Variants in SRGAP2C observed in about 807,000 individuals in gnomAD.
SRGAP2C encodes the protein SLIT-ROBO Rho GTPase activating protein 2C, also known as SLIT-ROBO Rho GTPase-activating protein 2C.
In SRGAP2C, 15 loss-of-function variants were observed where a neutral mutation model predicts 25.1. The ratio of observed to expected loss-of-function variants is 0.60; its 90% CI spans 0.40 to 0.92. The LOEUF is 0.92. Ranked by LOEUF, SRGAP2C falls within the 40% of genes least tolerant of loss-of-function variation. The probability of loss-of-function intolerance (pLI) is 0.00; values close to 1 mark genes in which losing one functional copy is unlikely to be tolerated. For synonymous variants in SRGAP2C, 44 were observed against 96.6 expected (o/e 0.46, Z 3.19); for missense variants, 144 against 264.4 (o/e 0.54, Z 3.16).
intron 4 of SRGAP2C, among the ~76,000 whole-genome samples, chr1:121,339,626 T>C (rs1440336546): frequency 6.9e-6 from 1 of 144,486 alleles, no homozygotes. Flanking sequence ...CTCATTGTTG[T>C]CTTTTTGGAA....
intron 5 of SRGAP2C, among the ~76,000 whole-genome samples, chr1:121,370,487 G>C (rs1352628456): frequency 1.5e-5 from 2 of 131,140 alleles, no homozygotes; most frequent in East Asian, 2.3e-4. Flanking sequence ...TGTTGCCCAG[G>C]CTGGAGTGCA....
Position 121,392,156 on chromosome 1 carries a change from A to G in SRGAP2C, c.*4301A>G, listed in dbSNP as rs1660111204. The G allele has an allele frequency of 6.6e-6, 1 of 152,210 alleles. No homozygotes were observed. The highest frequency in any genetic ancestry group is 1.5e-5 in the Non-Finnish European group (1 of 68,008). 9.4% of individuals were successfully genotyped at this position (152,210 alleles called of 1,614,324 possible). A position where few individuals can be genotyped will look rare whatever the true frequency, so the allele number is the denominator to read the frequency against. On this transcript the variant is annotated 3_prime_UTR_variant, in exon 10 of 10. Coordinates refer to ENST00000367123, the MANE Select transcript of SRGAP2C (RefSeq NM_001329984.2). The stretch of plus-strand genomic sequence containing the variant: ...ACTGTCTCTGAGAAACAGAAAGAAT[A>G]AAAAATAAACAATGAGCAGAGACTA...
chr1:121,199,775 A>G (rs1654930418), intron 2 of SRGAP2C, among the ~76,000 whole-genome samples: 1 of 145,688 alleles, frequency 6.9e-6, no homozygotes, highest in South Asian at 2.2e-4. Flanking sequence ...AGCCTAGGTG[A>G]CAGAGCAAGA....
chr1:121,218,718 G>T (rs1461821786), intron 2 of SRGAP2C, among the ~76,000 whole-genome samples: 2 of 151,758 alleles, frequency 1.3e-5, no homozygotes, highest in Non-Finnish European at 2.9e-5. Context: ...CTGCACTCCA[G>T]TCTGGGCGAC....
intron 2 of SRGAP2C, among the ~76,000 whole-genome samples, chr1:121,191,552 A>T (rs1308907815): frequency 1.4e-5 from 2 of 146,914 alleles, no homozygotes; most frequent in Non-Finnish European, 3.0e-5. Context: ...GGTCAGATTC[A>T]TGGTCATAAA....
chr1:121,270,451 TA>T (rs587629264), intron 2 of SRGAP2C, among the ~76,000 whole-genome samples: 2,984 of 124,920 alleles, frequency 0.024, 142 homozygotes, highest in African/African-American at 0.087. Flanking sequence ...TTTCATGATA[TA>T]TTATGGGCCT....
At position 121,318,000 on chromosome 1, in the gene SRGAP2C, T is replaced by C. The variant is rs1339802001; in HGVS notation, c.261-6478T>C. Among the ~76,000 whole-genome samples, 6 of 75,482 alleles carry C rather than the reference T, an allele frequency of 7.9e-5. 2 individuals are homozygous for C. Among genetic ancestry groups the C allele is most frequent in the African/African-American group, 4.0e-4 (6 of 14,888 alleles). The allele number at this position is 75,482 out of a possible 152,430, so 49.5% of individuals were successfully genotyped here. A position where few individuals can be genotyped will look rare whatever the true frequency, so the allele number is the denominator to read the frequency against. On this transcript the variant is annotated intron_variant, in intron 3 of 9. Transcript: ENST00000367123. ...AACTCTCCTCCTCTGATCTCATTGCTGGCAACGCTGAAGCCAAAGCTGTGA... is the reference window on the plus strand; with the variant it reads ...AACTCTCCTCCTCTGATCTCATTGCCGGCAACGCTGAAGCCAAAGCTGTGA...
intron 2 of SRGAP2C, among the ~76,000 whole-genome samples, chr1:121,235,019 T>C (rs1311666115): frequency 4.7e-5 from 7 of 148,930 alleles, no homozygotes; most frequent in Non-Finnish European, 7.4e-5. Flanking sequence ...TTCTCTTTTC[T>C]TTCTTTCTTT....
chr1:121,351,803 A>ATG (rs1197008929), intron 4 of SRGAP2C, among the ~76,000 whole-genome samples: 1 of 84,742 alleles, frequency 1.2e-5, no homozygotes, highest in East Asian at 3.8e-4. Flanking sequence ...GTGCTGATAC[A>ATG]TGCTACAATA....
At chr1:121,315,625 C>T (rs1658080736) in intron 3 of SRGAP2C, among the ~76,000 whole-genome samples, 1 of 149,158 alleles carries the variant, frequency 6.7e-6, no homozygotes. Flanking sequence ...GCACACAAGC[C>T]AATGGACATA....
intron 4 of SRGAP2C, chr1:121,360,896 G>A (rs2101645180): frequency 1.3e-5 from 2 of 150,660 alleles, no homozygotes; most frequent in South Asian, 4.3e-4. Flanking sequence ...CTTTAGGGTG[G>A]GGAGGGGATA....
intron 2 of SRGAP2C, among the ~76,000 whole-genome samples, chr1:121,258,341 C>T (rs1366559277): frequency 9.9e-5 from 15 of 151,294 alleles, no homozygotes; most frequent in African/African-American, 2.2e-4. Context: ...AAGCAAGCTG[C>T]GGATTCTGAA....
chr1:121,347,966 TG>T (rs1179395096), intron 4 of SRGAP2C, among the ~76,000 whole-genome samples: 2 of 139,854 alleles, frequency 1.4e-5, no homozygotes, highest in African/African-American at 5.4e-5. Context: ...TCTTTGATCA[TG>T]GTCCTTGTGT....
intron 7 of SRGAP2C, among the ~76,000 whole-genome samples, chr1:121,375,224 C>G (rs587728755): frequency 1.5e-4 from 22 of 142,608 alleles, no homozygotes; most frequent in African/African-American, 5.5e-4. Context: ...AGTCAGTTAA[C>G]AAATGACAGA....
At chr1:121,237,647 C>A (rs1199515502) in intron 2 of SRGAP2C, among the ~76,000 whole-genome samples, 1 of 152,090 alleles carries the variant, frequency 6.6e-6, no homozygotes, top group Non-Finnish European at 1.5e-5. Context: ...GACTCTGGAA[C>A]CCATTACCCC....
intron 3 of SRGAP2C, among the ~76,000 whole-genome samples, chr1:121,308,886 C>A (rs1300345797): frequency 1.5e-5 from 2 of 137,434 alleles, no homozygotes; most frequent in Non-Finnish European, 3.1e-5. Flanking sequence ...TTGCGGTGAG[C>A]CGAGATCGCA....
At chr1:121,234,424 T>C (rs1655891282) in intron 2 of SRGAP2C, among the ~76,000 whole-genome samples, 1 of 148,582 alleles carries the variant, frequency 6.7e-6, no homozygotes, top group Admixed American at 6.8e-5. Flanking sequence ...GCAGCCGGCA[T>C]TGCTGTTTAG....
At chr1:121,272,909 T>C (rs1441399390) in intron 2 of SRGAP2C, among the ~76,000 whole-genome samples, 6 of 150,612 alleles carry the variant, frequency 4.0e-5, no homozygotes, top group African/African-American at 1.5e-4. Flanking sequence ...CTTTATATTC[T>C]CCATCTCTTT....
At chr1:121,374,530 G>A (rs587731580) in intron 6 of SRGAP2C, among the ~76,000 whole-genome samples, 140 of 152,190 alleles carry the variant, frequency 9.2e-4, no homozygotes, top group African/African-American at 3.2e-3. Flanking sequence ...AGGTGTTCAG[G>A]GGCAAGAGTA....
Sources: gnomAD v4.1 joint callset for allele counts (sites outside exome capture counted in the v4.1 genomes callset) on GRCh38, gnomAD v4.1.1 for gene constraint, MANE v1.5 for transcripts, NCBI Gene and HGNC (gene_info 2026-07-23, HGNC 2026-07-21) for gene names.